Variants in WNK1 observed in about 807,000 individuals in gnomAD.
The protein encoded by WNK1 is serine/threonine-protein kinase WNK1.
WNK1 carries 38 observed loss-of-function variants against 222.8 expected under a neutral mutation model. The observed-to-expected ratio is 0.17, with a 90% CI of 0.13 to 0.22. WNK1 has a LOEUF of 0.22. Among genes scored for constraint, WNK1 ranks in the 10% least tolerant of loss-of-function variants. The probability of loss-of-function intolerance (pLI) is 1.00; values close to 1 mark genes in which losing one functional copy is unlikely to be tolerated. For synonymous variants in WNK1, 1,090 were observed against 1,092.9 expected (o/e 1.00, Z 0.05); for missense variants, 2,348 against 2,918.4 (o/e 0.80, Z 4.50).
chr12:901,503 T>G, intron 26 of WNK1: 3 of 1,189,636 alleles, frequency 2.5e-6, no homozygotes, highest in Non-Finnish European at 3.3e-6. Context: ...TAACATCTTG[T>G]AGTTGTGTTC....
At chr12:765,611 GGGTCAA>G (rs1941599010) in intron 1 of WNK1, among the ~76,000 whole-genome samples, 1 of 119,984 alleles carries the variant, frequency 8.3e-6, no homozygotes. Context: ...TCCAGATCTT[GGGTCAA>G]GTTGTGCTTT....
intron 4 of WNK1, among the ~76,000 whole-genome samples, chr12:853,689 A>C (rs941637149): frequency 6.6e-6 from 1 of 152,238 alleles, no homozygotes; most frequent in Non-Finnish European, 1.5e-5. Context: ...TTGTTAAATT[A>C]ATACATAGTT....
chr12:883,414 T>G lies in WNK1; in HGVS notation c.3509T>G (p.Leu1170Arg), dbSNP rs1482148953. ...ATIMVNNDFI[L>R]AIERESFVDQ... ...TTACAGGTGAACAATGACTTTATTC[T>G]AGCAATAGAGAGAGAGTCGTTTGTG... Residue 1170 changes from leucine to arginine, a missense_variant, in exon 16 of 28, where the codon CTA becomes CGA. Coordinates refer to ENST00000315939, the MANE Select transcript of WNK1 (RefSeq NM_018979.4). 6.2e-7 allele frequency: 1 copy of G among 1,614,172 alleles called. No individual in the cohort carries two copies. The highest frequency in any genetic ancestry group is 8.5e-7 in the Non-Finnish European group (1 of 1,180,016).
chr12:787,776 C>G (rs958027517), intron 1 of WNK1, among the ~76,000 whole-genome samples: 2 of 151,862 alleles, frequency 1.3e-5, no homozygotes, highest in African/African-American at 4.8e-5. Context: ...AGGACAGGCA[C>G]AACAAAAAAA....
chr12:847,801 CTTTTTT>C (rs898832948), intron 4 of WNK1, among the ~76,000 whole-genome samples: 17 of 68,646 alleles, frequency 2.5e-4, no homozygotes, highest in East Asian at 9.3e-4. Flanking sequence ...GATTAATTCT[CTTTTTT>C]TTTTTTTTTT....
intron 12 of WNK1, 80 bp downstream of exon 12, chr12:881,079 C>T: frequency 6.4e-7 from 1 of 1,569,820 alleles, no homozygotes; most frequent in Non-Finnish European, 8.7e-7. Context: ...AAGAAACAGG[C>T]TCCCCTGGTT....
chr12:780,453 G>C (rs1031647801), intron 1 of WNK1, among the ~76,000 whole-genome samples: 5 of 152,196 alleles, frequency 3.3e-5, no homozygotes, highest in African/African-American at 1.2e-4. Flanking sequence ...CCCAAAGGAA[G>C]TGTGTTGCAT....
chr12:785,899 G>A (rs1475903834), intron 1 of WNK1, among the ~76,000 whole-genome samples: 2 of 152,108 alleles, frequency 1.3e-5, no homozygotes, highest in Non-Finnish European at 2.9e-5. Context: ...CTGATTGTGG[G>A]CCCCAGTATA....
At position 881,019 on chromosome 12, in the gene WNK1, GT is replaced by G. The variant is rs1473582799; in HGVS notation, c.3111+23del. ...TTGGAGGTAAATAGAATTACTGCAT[GT>G]TTATATGTAAAACGTATATATGTAA... On this transcript the variant is annotated intron_variant, in intron 12 of 27. Transcript: ENST00000315939. The G allele has an allele frequency of 3.7e-6, 6 of 1,613,892 alleles. No individual in the cohort carries two copies. The South Asian group carries it at 6.6e-5, about 18-fold the overall frequency.
intron 1 of WNK1, among the ~76,000 whole-genome samples, chr12:779,917 T>C (rs1032816962): frequency 1.3e-5 from 2 of 152,214 alleles, no homozygotes; most frequent in African/African-American, 4.8e-5. Flanking sequence ...GCTTGATTAG[T>C]CATAATAAGG....
At chr12:838,410 GTTA>G (rs571830233) in intron 4 of WNK1, among the ~76,000 whole-genome samples, 6 of 151,324 alleles carry the variant, frequency 4.0e-5, no homozygotes. Flanking sequence ...AATCCTTGTT[GTTA>G]TTATTATTAT....
chr12:800,021 A>T (rs929084567), intron 1 of WNK1, among the ~76,000 whole-genome samples: 1 of 152,146 alleles, frequency 6.6e-6, no homozygotes, highest in Non-Finnish European at 1.5e-5. Context: ...GTGCGCACCC[A>T]TAGTCCCAGC....
chr12:809,241 AAATTT>A (rs1309343746), intron 1 of WNK1, among the ~76,000 whole-genome samples: 1 of 118,242 alleles, frequency 8.5e-6, no homozygotes, highest in Non-Finnish European at 1.8e-5. Flanking sequence ...AAAAAAAAAA[AAATTT>A]TTTTTTTTTT....
chr12:839,884 A>ATTT (rs781052888), intron 4 of WNK1, among the ~76,000 whole-genome samples: 1 of 128,430 alleles, frequency 7.8e-6, no homozygotes, highest in South Asian at 2.5e-4. Flanking sequence ...TGCCTGGCTA[A>ATTT]TTTTTTTTTT....
At chr12:767,833 C>A (rs1941964388) in intron 1 of WNK1, among the ~76,000 whole-genome samples, 1 of 152,070 alleles carries the variant, frequency 6.6e-6, no homozygotes, top group Admixed American at 6.6e-5. Context: ...CACCTCTTAC[C>A]TCCCTTCCTA....
intron 8 of WNK1, among the ~76,000 whole-genome samples, chr12:865,885 A>G (rs1951625606): frequency 6.6e-6 from 1 of 152,108 alleles, no homozygotes; most frequent in Non-Finnish European, 1.5e-5. Context: ...ATGATGTATC[A>G]GCAAACCAAA....
In WNK1 at chr12:763,497, G is replaced by A. The variant is rs1401965536; in HGVS notation, c.759+9173G>A. Among the ~76,000 whole-genome samples the A allele has an allele frequency of 3.4e-5, 5 of 147,052 alleles. 1 individual carries two copies. Among genetic ancestry groups the A allele is most frequent in the Non-Finnish European group, 7.6e-5 (5 of 65,834 alleles). ...CCAGCTACTTGGGAGGTTGAGGCAG[G>A]AGAATCACTTGAACCCGGGAGGTGG... On this transcript the variant is annotated intron_variant, in intron 1 of 27. Transcript: ENST00000315939.
Position 908,842 on chromosome 12 carries a change from A to AGG in WNK1, c.*54_*55dup. On this transcript the variant is annotated 3_prime_UTR_variant, in exon 28 of 28. Coordinates refer to ENST00000315939, the MANE Select transcript of WNK1 (RefSeq NM_018979.4). ...TCTGGGGGCAGGAGATGGAATGCTG[A>AGG]GGGGGTGGGTGGGGGTGGGAAGTAG... The AGG allele has an allele frequency of 4.6e-6, 1 of 217,902 alleles. No homozygotes were observed. Among genetic ancestry groups the AGG allele is most frequent in the Admixed American group, 5.7e-5 (1 of 17,506 alleles). The allele number at this position is 217,902 out of a possible 1,614,324, so 13.5% of individuals were successfully genotyped here. A position where few individuals can be genotyped will look rare whatever the true frequency, so the allele number is the denominator to read the frequency against.
At chr12:883,967 G>A (rs1953422584) in intron 17 of WNK1, 136 bp downstream of exon 17, 2 of 1,473,384 alleles carry the variant, frequency 1.4e-6, no homozygotes, top group Admixed American at 1.8e-5. Flanking sequence ...GGCGGAGGTT[G>A]CAGTGAGCTG....
Sources: allele counts gnomAD v4.1 joint callset (sites outside exome capture counted in the v4.1 genomes callset), GRCh38; gene constraint gnomAD v4.1.1; transcripts MANE v1.5; gene names NCBI Gene and HGNC (gene_info 2026-07-23, HGNC 2026-07-21).